The following ETV1 variants were observed in gnomAD, a reference collection of about 807,000 sequenced individuals.
ETV1 encodes the protein ETS variant transcription factor 1, also known as ETS translocation variant 1.
A neutral mutation model predicts 62.3 loss-of-function variants in ETV1; 27 were observed. That is an observed-to-expected ratio of 0.43 (90% CI 0.32 to 0.60). ETV1 has a LOEUF of 0.60. Ranked by LOEUF, ETV1 falls within the 20% of genes least tolerant of loss-of-function variation. The probability of loss-of-function intolerance (pLI) is 0.06; values close to 1 mark genes in which losing one functional copy is unlikely to be tolerated. For synonymous variants in ETV1, 222 were observed against 199.6 expected, an observed-to-expected ratio of 1.11 and a Z score of -0.94; for missense variants, 605 against 605.8, an observed-to-expected ratio of 1.00 and a Z score of 0.01.
intron 5 of ETV1, among the ~76,000 whole-genome samples, chr7:13,981,544 T>TATATATATAC (rs68083019): frequency 2.0e-5 from 3 of 150,846 alleles, no homozygotes; most frequent in East Asian, 2.0e-4. Context: ...TATATATATA[T>TATATATATAC]ACACACACAC....
At chr7:13,927,535 T>G (rs1785572680) in intron 9 of ETV1, among the ~76,000 whole-genome samples, 1 of 152,230 alleles carries the variant, frequency 6.6e-6, no homozygotes, top group African/African-American at 2.4e-5. Flanking sequence ...ATGTGCTATT[T>G]GTTCAACACC....
intron 9 of ETV1, among the ~76,000 whole-genome samples, chr7:13,923,820 G>T (rs948981102): frequency 2.0e-5 from 3 of 151,978 alleles, no homozygotes; most frequent in Non-Finnish European, 4.4e-5. Context: ...ATCACCTAAG[G>T]TCGGAAGTTT....
At chr7:13,974,487 A>G (rs1363974898) in intron 6 of ETV1, among the ~76,000 whole-genome samples, 1 of 152,206 alleles carries the variant, frequency 6.6e-6, no homozygotes, top group African/African-American at 2.4e-5. Context: ...TGTTAATGCT[A>G]TTGCACAGGG....
In ETV1 at chr7:13,980,708, A is replaced by G. The variant is rs1781895167; in HGVS notation, c.182-3228T>C. ...AATAGACCAGTTGCCATCAAGTCTC[A>G]GGATGTCGGCTTTAAAAGGGCAGTA... On this transcript the variant is annotated intron_variant, in intron 5 of 13. Transcript: ENST00000430479. Among the ~76,000 whole-genome samples, 3 of 152,186 alleles carry G rather than the reference A, an allele frequency of 2.0e-5. No individual in the cohort carries two copies. In the South Asian group the frequency reaches 6.2e-4, roughly 32 times the overall value.
In ETV1 at chr7:13,911,290, A is replaced by G; in HGVS notation, c.820T>C (p.Ser274Pro). ...AYDSEVPSCHSIYMRQEGFLA... is the reference protein window; with the variant it reads ...AYDSEVPSCHPIYMRQEGFLA... ...AAGCCTTCTTGCCTCATATAAATGGAGTGGCAGCTAGGCACTTCTGAAAGA... is the reference window on the plus strand; with the variant it reads ...AAGCCTTCTTGCCTCATATAAATGGGGTGGCAGCTAGGCACTTCTGAAAGA... The change falls in exon 10 of 14, where the codon TCC (serine) becomes CCC (proline). Residue 274 changes from serine (S) to proline (P), a missense_variant. Around this residue, in one of 3 missense-constraint regions of ETV1, gnomAD observed 426 missense variants for 377.8 expected, o/e 1.13. Coordinates refer to ENST00000430479, the MANE Select transcript of ETV1 (RefSeq NM_004956.5). 1 of 1,612,392 alleles carries G rather than the reference A, an allele frequency of 6.2e-7. No homozygotes were observed. The highest frequency in any genetic ancestry group is 8.5e-7 in the Non-Finnish European group (1 of 1,178,740).
rs1440915640 is a variant in ETV1, at chr7:13,956,636, T to C, written c.236-17390A>G. Among the ~76,000 whole-genome samples, 5 of 152,360 alleles carry C rather than the reference T, an allele frequency of 3.3e-5. No homozygotes were observed. In the East Asian group the frequency reaches 9.6e-4, roughly 29 times the overall value. On this transcript the variant is annotated intron_variant, in intron 6 of 13. Coordinates refer to ENST00000430479, the MANE Select transcript of ETV1 (RefSeq NM_004956.5). ...AGTGGTGTACAGGTGTTATTGGAAA[T>C]AGAAAATCTCAGCATGGAAGCAATA...
At chr7:13,921,707 C>T (rs920756446) in intron 9 of ETV1, among the ~76,000 whole-genome samples, 1 of 152,102 alleles carries the variant, frequency 6.6e-6, no homozygotes, top group Non-Finnish European at 1.5e-5. Flanking sequence ...CTGATTAATA[C>T]AGTCATACAG....
chr7:13,937,708 A>T (rs1786970851), intron 7 of ETV1, among the ~76,000 whole-genome samples: 1 of 152,224 alleles, frequency 6.6e-6, no homozygotes, highest in Admixed American at 6.5e-5. Flanking sequence ...AAACAAAACT[A>T]AACTATAAAA....
chr7:13,922,387 A>G (rs938509530), intron 9 of ETV1, among the ~76,000 whole-genome samples: 1 of 152,186 alleles, frequency 6.6e-6, no homozygotes, highest in Non-Finnish European at 1.5e-5. Context: ...CCCAGCAATA[A>G]TACAATTTTT....
intron 6 of ETV1, among the ~76,000 whole-genome samples, chr7:13,955,295 A>G (rs1789287537): frequency 1.3e-5 from 2 of 152,220 alleles, no homozygotes; most frequent in African/African-American, 4.8e-5. Flanking sequence ...AAAATTTTTC[A>G]TTTAACTGTA....
chr7:13,930,186 C>A (rs555308194), intron 9 of ETV1, among the ~76,000 whole-genome samples: 1 of 152,104 alleles, frequency 6.6e-6, no homozygotes, highest in Non-Finnish European at 1.5e-5. Flanking sequence ...CATAGATTAT[C>A]TTTCAAAATA....
At chr7:13,927,735 A>C (rs1785596814) in intron 9 of ETV1, among the ~76,000 whole-genome samples, 1 of 152,202 alleles carries the variant, frequency 6.6e-6, no homozygotes. Flanking sequence ...TTTCATGGCA[A>C]GTAAAATACA....
chr7:13,911,736 G>C (rs1272013860), intron 9 of ETV1, among the ~76,000 whole-genome samples: 4 of 152,130 alleles, frequency 2.6e-5, no homozygotes, highest in African/African-American at 2.4e-5. Flanking sequence ...ACTGTAAAAT[G>C]TATTATCAAA....
intron 9 of ETV1, among the ~76,000 whole-genome samples, chr7:13,916,636 A>C (rs1336060442): frequency 6.6e-6 from 1 of 152,068 alleles, no homozygotes; most frequent in African/African-American, 2.4e-5. Flanking sequence ...CTCCATCTCA[A>C]AAAAAGAGTA....
intron 6 of ETV1, among the ~76,000 whole-genome samples, chr7:13,976,333 C>G (rs1223727726): frequency 6.6e-6 from 1 of 152,120 alleles, no homozygotes; most frequent in Non-Finnish European, 1.5e-5. Flanking sequence ...TGCCATTGAA[C>G]TACAAACTTA....
chr7:13,970,327 A>ACAC (rs1562698780), intron 6 of ETV1, among the ~76,000 whole-genome samples: 3 of 130,544 alleles, frequency 2.3e-5, no homozygotes, highest in South Asian at 2.5e-4. Context: ...CACACACACA[A>ACAC]AGCAGCAACT....
chr7:13,914,330 A>T (rs985451288), intron 9 of ETV1, among the ~76,000 whole-genome samples: 3 of 152,120 alleles, frequency 2.0e-5, no homozygotes, highest in Non-Finnish European at 4.4e-5. Context: ...TTGTTTCAAA[A>T]CTTGTGGATC....
intron 5 of ETV1, among the ~76,000 whole-genome samples, chr7:13,982,530 C>A (rs535053239): frequency 6.6e-6 from 1 of 151,944 alleles, no homozygotes; most frequent in South Asian, 2.1e-4. Context: ...ACTTTATCTG[C>A]TGTCTTTAAG....
At chr7:13,949,776 G>C (rs964708259) in intron 6 of ETV1, among the ~76,000 whole-genome samples, 2 of 152,136 alleles carry the variant, frequency 1.3e-5, no homozygotes, top group Non-Finnish European at 2.9e-5. Context: ...TAAGGACAGG[G>C]ACCCTGATTC....
Sources: allele counts gnomAD v4.1 joint callset (sites outside exome capture counted in the v4.1 genomes callset), GRCh38; gene constraint gnomAD v4.1.1; regional missense constraint gnomAD v4.1.1; transcripts MANE v1.5; gene names NCBI Gene and HGNC (gene_info 2026-07-23, HGNC 2026-07-21).